Variants in SPI1 observed in about 807,000 individuals in gnomAD.
SPI1 encodes the protein Spi-1 proto-oncogene, also known as transcription factor PU.1.
Under a neutral mutation model 30.7 loss-of-function variants are expected in SPI1, and 3 were observed. The ratio of observed to expected loss-of-function variants is 0.10; its 90% CI spans 0.04 to 0.25. The LOEUF (loss-of-function observed/expected upper bound fraction) is 0.25, where lower values mean the gene tolerates loss of function less well. SPI1 is among the 10% of genes least tolerant of loss of function. SPI1 has a pLI of 1.00. For synonymous variants in SPI1, 169 were observed against 157.1 expected, an observed-to-expected ratio of 1.08 and a Z score of -0.56; for missense variants, 261 against 371.5, an observed-to-expected ratio of 0.70 and a Z score of 2.45.
In SPI1 at chr11:47,358,911, TG is replaced by T; in HGVS notation, c.425del (p.Pro142HisfsTer44). On this transcript the variant is annotated frameshift_variant, in exon 4 of 5. Coordinates refer to ENST00000378538, the MANE Select transcript of SPI1 (RefSeq NM_003120.3). LOFTEE classifies it high-confidence loss of function. Reference sequence around the variant, plus strand: ...CCGCCTCGCCGTCAGACACCTCCAGTGGGGGGCTCTGCCGCTCGCCCTCCTC... The same window carrying T: ...CCGCCTCGCCGTCAGACACCTCCAGTGGGGGCTCTGCCGCTCGCCCTCCTC... ...DEEEGERQSP[P>X]LEVSDGEADG... The T allele has an allele frequency of 6.4e-7, 1 of 1,563,050 alleles. No homozygotes were observed. The highest frequency in any genetic ancestry group is 1.2e-5 in the South Asian group (1 of 82,874).
chr11:47,366,335 A>G (rs894850764), intron 2 of SPI1, among the ~76,000 whole-genome samples: 2 of 152,160 alleles, frequency 1.3e-5, no homozygotes, highest in Non-Finnish European at 2.9e-5. Context: ...AAACAACCCC[A>G]CAAAAAATGT....
rs115946773 is a variant in SPI1, at chr11:47,374,961, C to T, written c.142+672G>A. ...AGGTTCTCATAGGTTTTCCTTCGGC[C>T]CAGCAGTTCCCAATTAGGGGTGATT... On this transcript the variant is annotated intron_variant, in intron 2 of 4. Transcript: ENST00000378538. This position sits in a 1 kb window ranked among gnomAD's most constrained non-coding sequence, Gnocchi z 4.5. Among the ~76,000 whole-genome samples, 836 of 152,312 alleles carry T rather than the reference C, an allele frequency of 5.5e-3. 10 individuals carry two copies. Among genetic ancestry groups the T allele is most frequent in the African/African-American group, 0.018 (757 of 41,568 alleles).
rs867959117 is a variant in SPI1 at position 47,360,057 on chromosome 11, G to A, written c.143-17C>T. The A allele has an allele frequency of 5.9e-6, 9 of 1,532,398 alleles. No homozygotes were observed. The African/African-American group carries it at 8.1e-5, about 14-fold the overall frequency. 94.9% of individuals were successfully genotyped at this position (1,532,398 alleles called of 1,614,324 possible). ...AGTAATGGTCTGTGGGGGACAGCCA[G>A]GCAGTATGGGGTGAGCTCAGGGTTG... is the stretch of plus-strand genomic sequence containing the variant. On this transcript the variant is annotated splice_polypyrimidine_tract_variant and intron_variant, in intron 2 of 4. Transcript: ENST00000378538.
In SPI1 at chr11:47,355,145, T is replaced by TGTGTCCGGG; in HGVS notation, c.*81_*82insCCCGGACAC. On this transcript the variant is annotated 3_prime_UTR_variant, in exon 5 of 5. Coordinates refer to ENST00000378538, the MANE Select transcript of SPI1 (RefSeq NM_003120.3). Reference sequence around the variant, plus strand: ...GTCCTGCCTCTGGGCCCCGGGAGCGTCCTCCCTGTGTCCGGGCCGGGCGAG... The same window carrying TGTGTCCGGG: ...GTCCTGCCTCTGGGCCCCGGGAGCGTGTGTCCGGGCCTCCCTGTGTCCGGGCCGGGCGAG... The TGTGTCCGGG allele has an allele frequency of 1.8e-6, 2 of 1,136,930 alleles. No homozygotes were observed. Among genetic ancestry groups the TGTGTCCGGG allele is most frequent in the Non-Finnish European group, 2.2e-6 (2 of 899,926 alleles). The allele number at this position is 1,136,930 out of a possible 1,614,324, so 70.4% of individuals were successfully genotyped here.
chr11:47,358,645 C>T (rs1409536059), intron 4 of SPI1, 199 bp downstream of exon 4: 3 of 710,604 alleles, frequency 4.2e-6, no homozygotes, highest in Non-Finnish European at 7.7e-6. Context: ...CATGGAGATG[C>T]CCGTATGCAC....
intron 4 of SPI1, among the ~76,000 whole-genome samples, chr11:47,357,763 G>T (rs547254683): frequency 1.3e-5 from 2 of 152,040 alleles, no homozygotes; most frequent in East Asian, 1.9e-4. Context: ...ACGGGGTTTC[G>T]CCATGTTGGC....
chr11:47,362,247 T>C (rs2095921862), intron 2 of SPI1, among the ~76,000 whole-genome samples: 2 of 152,144 alleles, frequency 1.3e-5, no homozygotes, highest in Admixed American at 1.3e-4. Context: ...TCATTATCAT[T>C]ATTATTAATA....
rs1466977679 is a variant in SPI1 at position 47,378,395 on chromosome 11, G to C, written c.-42C>G. On this transcript the variant is annotated 5_prime_UTR_variant, in exon 1 of 5. Transcript: ENST00000378538. ...TCGGTCAGATCCCCTGCCTCGGTGGGGGCCAATGCAGAGCCCCTCAGGATG... is the reference window on the plus strand; with the variant it reads ...TCGGTCAGATCCCCTGCCTCGGTGGCGGCCAATGCAGAGCCCCTCAGGATG... The C allele has an allele frequency of 3.1e-6, 5 of 1,598,326 alleles. No individual in the cohort carries two copies. In the Admixed American group the frequency reaches 6.9e-5, roughly 22 times the overall value.
chr11:47,355,827 A>T (rs962836761), intron 4 of SPI1, among the ~76,000 whole-genome samples: 1 of 146,462 alleles, frequency 6.8e-6, no homozygotes, highest in African/African-American at 2.6e-5. Flanking sequence ...GTACACACAC[A>T]TGCTCACATC....
chr11:47,359,986 G>T lies in SPI1; in HGVS notation c.197C>A (p.Ala66Asp). ...CTGGAGCTCCGTGAAGTTGTTCTCG[G>T]CGAAGCTCTCGAACTCGCTGTGCAC... The part of the protein sequence containing the change: ...HHVHSEFESF[A>D]ENNFTELQSV... The change falls in exon 3 of 5, where the codon GCC (alanine) becomes GAC (aspartate). Residue 66 changes from alanine to aspartate, a missense_variant. This residue lies in a region of SPI1 where 78 missense variants were observed against 93.2 expected (regional missense o/e 0.84). Transcript: ENST00000378538. This position sits in a 1 kb window ranked among gnomAD's most constrained non-coding sequence, Gnocchi z 5.1. The T allele has an allele frequency of 6.2e-7, 1 of 1,606,980 alleles. No individual in the cohort carries two copies. Among genetic ancestry groups the T allele is most frequent in the Non-Finnish European group, 8.5e-7 (1 of 1,176,132 alleles).
chr11:47,355,917 CCTT>C (rs2142875878), intron 4 of SPI1, among the ~76,000 whole-genome samples: 1 of 150,904 alleles, frequency 6.6e-6, no homozygotes, highest in South Asian at 2.1e-4. Flanking sequence ...ACACAACGCA[CCTT>C]CTCACACCCA....
At chr11:47,371,985 G>T (rs989490295) in intron 2 of SPI1, among the ~76,000 whole-genome samples, 26 of 152,032 alleles carry the variant, frequency 1.7e-4, no homozygotes, top group Admixed American at 1.7e-3. Context: ...TGTGAATTAC[G>T]AGTTCCTTCT....
rs1452177516 is a variant in SPI1 at position 47,378,363 on chromosome 11, C to T, written c.-10G>A. ...TGCACGCCTGTAACATCCAGCCGGG[C>T]TCCGAGTCGGTCAGATCCCCTGCCT... On this transcript the variant is annotated 5_prime_UTR_variant, in exon 1 of 5. Coordinates refer to ENST00000378538, the MANE Select transcript of SPI1 (RefSeq NM_003120.3). 1 of 1,612,020 alleles carries T rather than the reference C, an allele frequency of 6.2e-7. No individual in the cohort carries two copies.
intron 4 of SPI1, among the ~76,000 whole-genome samples, chr11:47,357,727 G>A (rs895759661): frequency 6.6e-6 from 1 of 151,708 alleles, no homozygotes; most frequent in African/African-American, 2.4e-5. Context: ...CACCACGCCT[G>A]ACTAATTTTT....
intron 2 of SPI1, among the ~76,000 whole-genome samples, chr11:47,370,546 A>G (rs975757772): frequency 1.3e-5 from 2 of 151,772 alleles, no homozygotes; most frequent in African/African-American, 4.8e-5. Flanking sequence ...TACTAAAAAT[A>G]CAAAAATTAG....
chr11:47,356,550 ACACT>A (rs2095909875), intron 4 of SPI1, among the ~76,000 whole-genome samples: 1 of 150,840 alleles, frequency 6.6e-6, no homozygotes, highest in Non-Finnish European at 1.5e-5. Context: ...CCAGGTTCAC[ACACT>A]CATGTTCACA....
chr11:47,358,144 C>G lies in SPI1; in HGVS notation c.493+700G>C, dbSNP rs2095914691. Reference sequence around the variant, plus strand: ...TCACACACACCTGCTTACATACACCCTCAAACATGTTCACACCCACTCACA... The same window carrying G: ...TCACACACACCTGCTTACATACACCGTCAAACATGTTCACACCCACTCACA... On this transcript the variant is annotated intron_variant, in intron 4 of 4. Transcript: ENST00000378538. 1.9e-5 allele frequency: 4 copies of G among 214,894 alleles called. No individual in the cohort carries two copies. In the South Asian group the frequency reaches 2.2e-4, roughly 12 times the overall value. The allele number at this position is 214,894 out of a possible 1,614,324, so 13.3% of individuals were successfully genotyped here. A position where few individuals can be genotyped will look rare whatever the true frequency, so the allele number is the denominator to read the frequency against.
At chr11:47,373,946 A>T (rs2095939157) in intron 2 of SPI1, among the ~76,000 whole-genome samples, 2 of 152,236 alleles carry the variant, frequency 1.3e-5, no homozygotes, top group South Asian at 4.1e-4. Flanking sequence ...CAGCGCCCTC[A>T]TATTACAGGA....
rs1345732627 is a variant in SPI1, at chr11:47,378,318, G to T, written c.36C>A (p.Leu12=). The T allele has an allele frequency of 6.2e-7, 1 of 1,613,700 alleles. No homozygotes were observed. The highest frequency in any genetic ancestry group is 8.5e-7 in the Non-Finnish European group (1 of 1,179,872). The change falls in exon 1 of 5, where the codon CTC becomes CTA. Residue 12 remains leucine, a synonymous_variant. Coordinates refer to ENST00000378538, the MANE Select transcript of SPI1 (RefSeq NM_003120.3). The part of the protein sequence containing the change: ...LQACKMEGFP[L]VPPPSEDLVP... ...GAGTCCCGGTACTCACAGGGGGGAC[G>T]AGGGGAAACCCTTCCATTTTGCACG...
Sources: allele counts gnomAD v4.1 joint callset (sites outside exome capture counted in the v4.1 genomes callset), GRCh38; gene constraint gnomAD v4.1.1; regional missense constraint gnomAD v4.1.1; non-coding constraint Gnocchi (gnomAD v3.1); transcripts MANE v1.5; gene names NCBI Gene and HGNC (gene_info 2026-07-23, HGNC 2026-07-21).